Variants in RSPH6A observed in about 807,000 individuals in gnomAD.
RSPH6A encodes radial spoke head 6 homolog A, also known as radial spoke head protein 6 homolog A.
In RSPH6A, 49 loss-of-function variants were observed where a neutral mutation model predicts 66.1. The observed-to-expected ratio is 0.74, with a 90% CI of 0.59 to 0.94. The LOEUF is 0.94. RSPH6A is among the 40% of genes least tolerant of loss of function. The pLI, the probability that RSPH6A is intolerant of heterozygous loss-of-function variation, is 0.00. For missense variants in RSPH6A, 977 were observed against 948.3 expected (o/e 1.03, Z -0.40); for synonymous variants, 419 against 402.4 (o/e 1.04, Z -0.49).
chr19:45,810,532 C>T (rs750577855), intron 2 of RSPH6A, 71 bp downstream of exon 2: 3 of 1,424,124 alleles, frequency 2.1e-6, no homozygotes, highest in Non-Finnish European at 3.0e-6. Context: ...GGCCTTGGCA[C>T]AGGCTGTGCC....
chr19:45,814,612 C>T lies in RSPH6A; in HGVS notation c.565G>A (p.Val189Met), dbSNP rs775856821. 4 of 1,586,842 alleles carry T rather than the reference C, an allele frequency of 2.5e-6. No homozygotes were observed. Among genetic ancestry groups the T allele is most frequent in the Middle Eastern group, 1.7e-4 (1 of 5,934 alleles). Residue 189 changes from valine to methionine, a missense_variant, in exon 1 of 6, where the codon GTG becomes ATG. Val to Met is a conservative substitution (Grantham distance 21, BLOSUM62 1). Transcript: ENST00000221538. ...AGCTCCAGAGGCTCGGGCTCAGGCACCTGGGCACTGTAGTGTGGGAAGCCC... is the reference window on the plus strand; with the variant it reads ...AGCTCCAGAGGCTCGGGCTCAGGCATCTGGGCACTGTAGTGTGGGAAGCCC... ...ELGFPHYSAQVPEPEPLELAV... is the reference protein window; with the variant it reads ...ELGFPHYSAQMPEPEPLELAV...
At position 45,810,621 on chromosome 19, in the gene RSPH6A, C is replaced by A. The variant is rs1238172152; in HGVS notation, c.870G>T (p.Gln290His). 7 of 1,614,016 alleles carry A rather than the reference C, an allele frequency of 4.3e-6. No individual in the cohort carries two copies. Among genetic ancestry groups the A allele is most frequent in the Non-Finnish European group, 5.1e-6 (6 of 1,180,012 alleles). The change falls in exon 2 of 6, where the codon CAG (glutamine) becomes CAT (histidine). Residue 290 changes from glutamine (Q) to histidine (H), a missense_variant. Transcript: ENST00000221538. Reference protein sequence around the residue: ...TRSGGGTEGEQEMEEEVGETP... With the variant: ...TRSGGGTEGEHEMEEEVGETP... ...CACTCACCACCTCCTCCTCCATCTC[C>A]TGTTCGCCTTCAGTGCCGCCTCCAC...
intron 5 of RSPH6A, among the ~76,000 whole-genome samples, chr19:45,799,979 G>A (rs994446385): frequency 2.6e-5 from 4 of 152,128 alleles, no homozygotes; most frequent in Admixed American, 6.5e-5. Flanking sequence ...CCTGGGAGGC[G>A]GAAGTTTCAG....
chr19:45,801,255 C>G (rs914091445), intron 4 of RSPH6A, among the ~76,000 whole-genome samples: 2 of 152,196 alleles, frequency 1.3e-5, no homozygotes, highest in Non-Finnish European at 2.9e-5. Flanking sequence ...CAGTGCCTGG[C>G]GCCCAGCAGG....
chr19:45,811,311 C>A (rs1173606268), intron 1 of RSPH6A, among the ~76,000 whole-genome samples: 2 of 151,432 alleles, frequency 1.3e-5, no homozygotes, highest in Non-Finnish European at 2.9e-5. Context: ...ATGGTGGAAA[C>A]AGACACTAAT....
Position 45,804,611 on chromosome 19 carries a change from T to C in RSPH6A, c.1294A>G (p.Asn432Asp). 1 of 1,614,174 alleles carries C rather than the reference T, an allele frequency of 6.2e-7. No homozygotes were observed. Among genetic ancestry groups the C allele is most frequent in the Non-Finnish European group, 8.5e-7 (1 of 1,180,030 alleles). ...GANKYLYFVCNEPGLPWTRLP... is the reference protein window; with the variant it reads ...GANKYLYFVCDEPGLPWTRLP... ...CGCGTCCATGGCAGGCCCGGCTCGTTGCACACAAAGTACAGGTACTTGTTG... is the reference window on the plus strand; with the variant it reads ...CGCGTCCATGGCAGGCCCGGCTCGTCGCACACAAAGTACAGGTACTTGTTG... The change falls in exon 3 of 6, where the codon AAC becomes GAC. Residue 432 changes from asparagine (N) to aspartate (D), a missense_variant. Transcript: ENST00000221538. This position sits in a 1 kb window ranked among gnomAD's most constrained non-coding sequence, Gnocchi z 5.8.
At position 45,795,866 on chromosome 19, in the gene RSPH6A, G is replaced by A. The variant is rs199580939; in HGVS notation, c.*3C>T. 4.5e-6 allele frequency: 6 copies of A among 1,344,746 alleles called. No homozygotes were observed. The highest frequency in any genetic ancestry group is 5.0e-6 in the Non-Finnish European group (5 of 997,810). The allele number at this position is 1,344,746 out of a possible 1,614,324, so 83.3% of individuals were successfully genotyped here. On this transcript the variant is annotated 3_prime_UTR_variant, in exon 6 of 6. Transcript: ENST00000221538. Reference sequence around the variant, plus strand: ...CTTGGGGAAAGTGGCTAGAGGGTGGGCCTCAGTCATCTGTCTCCTCGCCCT... The same window carrying A: ...CTTGGGGAAAGTGGCTAGAGGGTGGACCTCAGTCATCTGTCTCCTCGCCCT...
At chr19:45,811,854 C>G (rs1970634355) in intron 1 of RSPH6A, among the ~76,000 whole-genome samples, 2 of 150,902 alleles carry the variant, frequency 1.3e-5, no homozygotes, top group Non-Finnish European at 2.9e-5. Flanking sequence ...CTCACCACAA[C>G]CTCTGCCTCC....
intron 5 of RSPH6A, among the ~76,000 whole-genome samples, chr19:45,799,387 G>A (rs1459979252): frequency 2.0e-5 from 3 of 152,092 alleles, no homozygotes; most frequent in Admixed American, 6.6e-5. Context: ...TTTGAGACAA[G>A]GTCTTGCTCT....
intron 4 of RSPH6A, among the ~76,000 whole-genome samples, 187 bp downstream of exon 4, chr19:45,801,933 G>A (rs1471655880): frequency 6.6e-6 from 1 of 152,102 alleles, no homozygotes; most frequent in Non-Finnish European, 1.5e-5. Flanking sequence ...CCATTGCCAC[G>A]TGTCTATGGA....
At chr19:45,801,511 A>G (rs1395165534) in intron 4 of RSPH6A, among the ~76,000 whole-genome samples, 1 of 152,168 alleles carries the variant, frequency 6.6e-6, no homozygotes, top group Non-Finnish European at 1.5e-5. Flanking sequence ...CTGTAATCCC[A>G]GCACTTTGGG....
At chr19:45,798,678 A>C (rs1211891178) in intron 5 of RSPH6A, among the ~76,000 whole-genome samples, 1 of 151,694 alleles carries the variant, frequency 6.6e-6, no homozygotes, top group Non-Finnish European at 1.5e-5. Flanking sequence ...CTTTACTAAA[A>C]ATACAAAAAA....
intron 5 of RSPH6A, among the ~76,000 whole-genome samples, chr19:45,798,376 A>G (rs1023142005): frequency 1.3e-5 from 2 of 151,756 alleles, no homozygotes; most frequent in African/African-American, 4.8e-5. Flanking sequence ...AAGAAAAAAG[A>G]AAAAATTTAA....
chr19:45,806,346 G>A (rs759500048), intron 2 of RSPH6A, among the ~76,000 whole-genome samples: 5 of 151,934 alleles, frequency 3.3e-5, no homozygotes, highest in Non-Finnish European at 7.4e-5. Flanking sequence ...GCTCAGAAAG[G>A]GACTGAAGGC....
intron 1 of RSPH6A, 28 bp downstream of exon 1, chr19:45,814,499 A>G (rs12459331): frequency 2.5e-5 from 32 of 1,281,942 alleles, no homozygotes; most frequent in Non-Finnish European, 3.2e-5. Flanking sequence ...TGGGTCCCCC[A>G]CCCGCCCCAC....
In RSPH6A at chr19:45,814,934, C is replaced by A. The variant is rs1349073323; in HGVS notation, c.243G>T (p.Arg81=). 3 of 1,614,022 alleles carry A rather than the reference C, an allele frequency of 1.9e-6. No homozygotes were observed. The highest frequency in any genetic ancestry group is 2.2e-5 in the East Asian group (1 of 44,894). ...CAGATGGGTACTCCATGCCACCCAG[C>A]CGGGCTTCCTCAGCCTGGAAGACCT... is the stretch of plus-strand genomic sequence containing the variant. The part of the protein sequence containing the change: ...MPQVFQAEEA[R]LGGMEYPSVN... The change falls in exon 1 of 6, where the codon CGG becomes CGT. Residue 81 remains arginine, a synonymous_variant. Coordinates refer to ENST00000221538, the MANE Select transcript of RSPH6A (RefSeq NM_030785.4).
At position 45,804,384 on chromosome 19, in the gene RSPH6A, G is replaced by T; in HGVS notation, c.1521C>A (p.Gly507=). The stretch of plus-strand genomic sequence containing the variant: ...CAGCACCACCTTCCTCCTCCTCGTC[G>T]CCCTCCTCCTCACTAAACTGGTAGA... ...LGFYQFSEEE[G]DEEEEGGAGR... Residue 507 remains glycine, a synonymous_variant, in exon 3 of 6, where the codon GGC becomes GGA. Coordinates refer to ENST00000221538, the MANE Select transcript of RSPH6A (RefSeq NM_030785.4). The surrounding 1 kb of genome is among the most constrained non-coding windows in gnomAD (Gnocchi z 5.8). The T allele has an allele frequency of 6.2e-7, 1 of 1,613,990 alleles. No homozygotes were observed. Among genetic ancestry groups the T allele is most frequent in the Non-Finnish European group, 8.5e-7 (1 of 1,179,984 alleles).
chr19:45,811,802 T>G (rs1197823961), intron 1 of RSPH6A, among the ~76,000 whole-genome samples: 1 of 148,152 alleles, frequency 6.7e-6, no homozygotes, highest in Non-Finnish European at 1.5e-5. Flanking sequence ...AGACAGAGTT[T>G]TGCTTTGTTG....
chr19:45,810,497 T>C, intron 2 of RSPH6A, 106 bp downstream of exon 2: 2 of 1,044,848 alleles, frequency 1.9e-6, no homozygotes, highest in South Asian at 2.8e-5. Flanking sequence ...GTGACTGGAT[T>C]GTGCAATGCT....
Sources: allele counts gnomAD v4.1 joint callset (sites outside exome capture counted in the v4.1 genomes callset), GRCh38; gene constraint gnomAD v4.1.1; non-coding constraint Gnocchi (gnomAD v3.1); transcripts MANE v1.5; gene names NCBI Gene and HGNC (gene_info 2026-07-23, HGNC 2026-07-21).